Variants in SLC26A7 observed in about 807,000 individuals in gnomAD.
SLC26A7 encodes the protein solute carrier family 26 member 7, also known as anion exchange transporter.
Under a neutral mutation model 82.5 loss-of-function variants are expected in SLC26A7, and 59 were observed. The observed-to-expected ratio is 0.72, with a 90% CI of 0.58 to 0.89. SLC26A7 has a LOEUF of 0.89. Among genes scored for constraint, SLC26A7 ranks in the 40% least tolerant of loss-of-function variants. The probability of loss-of-function intolerance (pLI) is 0.00; values close to 1 mark genes in which losing one functional copy is unlikely to be tolerated. For synonymous variants in SLC26A7, 271 were observed against 274.3 expected, an observed-to-expected ratio of 0.99 and a Z score of 0.12; for missense variants, 820 against 793.0, an observed-to-expected ratio of 1.03 and a Z score of -0.41.
chr8:91,255,905 G>C (rs1052991469), intron 2 of SLC26A7, among the ~76,000 whole-genome samples: 24 of 152,138 alleles, frequency 1.6e-4, no homozygotes, highest in Non-Finnish European at 2.9e-5. Flanking sequence ...GTGAGTGTCA[G>C]GATGAGATAC....
intron 5 of SLC26A7, among the ~76,000 whole-genome samples, chr8:91,326,781 C>G (rs1314739676): frequency 6.6e-6 from 1 of 152,154 alleles, no homozygotes; most frequent in Non-Finnish European, 1.5e-5. Flanking sequence ...GAAGACACTT[C>G]AAAATCAAGG....
At chr8:91,223,889 T>G (rs182945276) in intron 2 of SLC26A7, among the ~76,000 whole-genome samples, 1 of 152,132 alleles carries the variant, frequency 6.6e-6, no homozygotes, top group African/African-American at 2.4e-5. Context: ...ATTCTTTTTT[T>G]CTCTGTTCTT....
At chr8:91,275,186 C>T (rs1396457478) in intron 2 of SLC26A7, among the ~76,000 whole-genome samples, 2 of 152,178 alleles carry the variant, frequency 1.3e-5, no homozygotes, top group African/African-American at 4.8e-5. Context: ...GACTCACTCT[C>T]TATATGTAGA....
intron 4 of SLC26A7, among the ~76,000 whole-genome samples, chr8:91,315,150 T>C (rs1218704636): frequency 6.6e-6 from 1 of 152,192 alleles, no homozygotes; most frequent in African/African-American, 2.4e-5. Context: ...TCAAGATTAC[T>C]TGGCATACTG....
chr8:91,227,339 T>A (rs1293710047), intron 2 of SLC26A7, among the ~76,000 whole-genome samples: 1 of 152,174 alleles, frequency 6.6e-6, no homozygotes, highest in Non-Finnish European at 1.5e-5. Flanking sequence ...CCTCAGAGAA[T>A]AAAAAAGAGA....
chr8:91,326,404 A>T (rs936113282), intron 5 of SLC26A7, among the ~76,000 whole-genome samples: 1 of 152,076 alleles, frequency 6.6e-6, no homozygotes, highest in South Asian at 2.1e-4. Flanking sequence ...CTTGGCTTGC[A>T]AACGGCCTCC....
intron 1 of SLC26A7, among the ~76,000 whole-genome samples, chr8:91,215,623 T>C (rs1810030469): frequency 6.6e-6 from 1 of 152,186 alleles, no homozygotes; most frequent in African/African-American, 2.4e-5. Flanking sequence ...TTTAAAGCTT[T>C]TTGCTAAAAT....
At chr8:91,270,088 T>C (rs1040388127) in intron 2 of SLC26A7, among the ~76,000 whole-genome samples, 5 of 152,220 alleles carry the variant, frequency 3.3e-5, no homozygotes, top group Non-Finnish European at 7.4e-5. Context: ...CAATTCTTCT[T>C]GGTCCATTAT....
intron 2 of SLC26A7, among the ~76,000 whole-genome samples, chr8:91,253,983 T>C (rs1378057840): frequency 1.3e-5 from 2 of 152,102 alleles, no homozygotes; most frequent in Non-Finnish European, 2.9e-5. Flanking sequence ...TTTTATTATA[T>C]AAATAAATGT....
chr8:91,319,965 A>AG (rs11374203), intron 5 of SLC26A7, among the ~76,000 whole-genome samples: 27,125 of 152,058 alleles, frequency 0.18, 2,857 homozygotes, highest in African/African-American at 0.28. Context: ...CTTCGGTTAA[A>AG]GGTTTTGTGT....
Position 91,279,024 on chromosome 8 carries a change from A to T in SLC26A7, c.194-10112A>T, listed in dbSNP as rs987120147. 5.3e-5 allele frequency among the ~76,000 whole-genome samples: 8 copies of T among 151,046 alleles called. 1 individual carries two copies. The South Asian group carries it at 1.3e-3, about 24-fold the overall frequency. ...GTAATTGTCTTTCTGTGCCTAGCTTATGTCATTTAATATGTCCTTCAAATT... is the reference window on the plus strand; with the variant it reads ...GTAATTGTCTTTCTGTGCCTAGCTTTTGTCATTTAATATGTCCTTCAAATT... On this transcript the variant is annotated intron_variant, in intron 2 of 18. Transcript: ENST00000276609.
intron 9 of SLC26A7, among the ~76,000 whole-genome samples, chr8:91,346,015 A>G (rs1813553383): frequency 6.6e-6 from 1 of 152,130 alleles, no homozygotes; most frequent in Non-Finnish European, 1.5e-5. Context: ...CACACATTTG[A>G]ATGGCTAGAA....
At position 91,295,699 on chromosome 8, in the gene SLC26A7, T is replaced by C; in HGVS notation, c.473T>C (p.Ile158Thr). The change falls in exon 4 of 19, where the codon ATT (isoleucine) becomes ACT (threonine). Residue 158 changes from isoleucine to threonine, a missense_variant. By Grantham distance (89) the Ile-to-Thr change is moderately conservative. Transcript: ENST00000276609. The stretch of plus-strand genomic sequence containing the variant: ...GCAGTTTCCTTCTTGGGAGGTGTGA[T>C]TCAGGTAAGTGATACTGACACTTGA... Reference protein sequence around the residue: ...AAAVSFLGGVIQVAMFVLQLG... With the variant: ...AAAVSFLGGVTQVAMFVLQLG... The C allele has an allele frequency of 6.2e-7, 1 of 1,613,772 alleles. No homozygotes were observed. The highest frequency in any genetic ancestry group is 8.5e-7 in the Non-Finnish European group (1 of 1,179,862).
At chr8:91,319,423 T>C (rs1812730322) in intron 5 of SLC26A7, among the ~76,000 whole-genome samples, 1 of 152,244 alleles carries the variant, frequency 6.6e-6, no homozygotes, top group Non-Finnish European at 1.5e-5. Flanking sequence ...ATCACTTGTC[T>C]AAGTGTGTTT....
intron 15 of SLC26A7, among the ~76,000 whole-genome samples, chr8:91,381,641 C>T (rs1431957972): frequency 3.3e-5 from 5 of 152,130 alleles, no homozygotes; most frequent in African/African-American, 7.2e-5. Flanking sequence ...GCTGGGTCCT[C>T]GTGAAACTCT....
intron 15 of SLC26A7, among the ~76,000 whole-genome samples, chr8:91,374,071 G>A (rs1814439886): frequency 6.6e-6 from 1 of 151,748 alleles, no homozygotes; most frequent in South Asian, 2.1e-4. Flanking sequence ...CAGTTGTGAT[G>A]TCACCTTTAC....
intron 3 of SLC26A7, among the ~76,000 whole-genome samples, chr8:91,292,284 C>A (rs185510687): frequency 9.6e-5 from 14 of 145,102 alleles, no homozygotes; most frequent in Admixed American, 7.1e-5. Flanking sequence ...CCAGCCTGGG[C>A]GAGAGTGCGA....
chr8:91,242,389 T>C (rs1810486733), intron 2 of SLC26A7, among the ~76,000 whole-genome samples: 1 of 152,122 alleles, frequency 6.6e-6, no homozygotes, highest in Admixed American at 6.6e-5. Flanking sequence ...GTCTGGCTTT[T>C]ATTTTTCATG....
At chr8:91,365,477 A>T (rs796305836) in intron 13 of SLC26A7, among the ~76,000 whole-genome samples, 1 of 152,184 alleles carries the variant, frequency 6.6e-6, no homozygotes, top group Non-Finnish European at 1.5e-5. Context: ...GTGCTTTGGG[A>T]TGACTAATAT....
Sources: allele counts gnomAD v4.1 joint callset (sites outside exome capture counted in the v4.1 genomes callset), GRCh38; gene constraint gnomAD v4.1.1; transcripts MANE v1.5; gene names NCBI Gene and HGNC (gene_info 2026-07-23, HGNC 2026-07-21).